RPS6KA2: variants seen among roughly 807,000 people sequenced by gnomAD.
RPS6KA2 encodes the protein ribosomal protein S6 kinase A2.
A neutral mutation model predicts 91.8 loss-of-function variants in RPS6KA2; 42 were observed. That is an observed-to-expected ratio of 0.46 (90% CI 0.36 to 0.59). The LOEUF (loss-of-function observed/expected upper bound fraction) is 0.59. RPS6KA2 is among the 20% of genes least tolerant of loss of function. The pLI is 0.00. For synonymous variants in RPS6KA2, 414 were observed against 393.6 expected, an observed-to-expected ratio of 1.05 and a Z score of -0.61; for missense variants, 798 against 978.5, an observed-to-expected ratio of 0.82 and a Z score of 2.46.
intron 2 of RPS6KA2, among the ~76,000 whole-genome samples, chr6:166,698,475 G>A (rs555388533): frequency 9.5e-4 from 145 of 152,306 alleles, no homozygotes; most frequent in Non-Finnish European, 1.7e-3. Flanking sequence ...GCTATGGTCA[G>A]AATAAAGGGA....
At chr6:166,848,760 G>A (rs1055595306) in intron 2 of RPS6KA2, among the ~76,000 whole-genome samples, 16 of 152,178 alleles carry the variant, frequency 1.1e-4, no homozygotes, top group South Asian at 8.3e-4. Context: ...GGGAAGGGGT[G>A]GGAGGGGGAT....
upstream of RPS6KA2, among the ~76,000 whole-genome samples, chr6:166,629,016 G>T (rs2128544843): frequency 6.6e-6 from 1 of 152,328 alleles, no homozygotes; most frequent in East Asian, 1.9e-4. Flanking sequence ...TGCTGGGAGG[G>T]TAGTAATCTG....
chr6:166,527,868 G>A (rs2128490559), intron 3 of RPS6KA2, among the ~76,000 whole-genome samples: 1 of 152,376 alleles, frequency 6.6e-6, no homozygotes, highest in East Asian at 1.9e-4. Flanking sequence ...CCATGTTGGA[G>A]TGGGCACCAG....
chr6:166,508,301 C>T lies in RPS6KA2; in HGVS notation c.380-19G>A, dbSNP rs377415647. The T allele has an allele frequency of 1.2e-5, 19 of 1,530,422 alleles. No individual in the cohort carries two copies. The highest frequency in any genetic ancestry group is 2.2e-5 in the East Asian group (1 of 44,452). 94.8% of individuals were successfully genotyped at this position (1,530,422 alleles called of 1,614,324 possible). A position where few individuals can be genotyped will look rare whatever the true frequency, so the allele number is the denominator to read the frequency against. Reference sequence around the variant, plus strand: ...TGAAAGGCTGTGGGGGACAGAGACCCGCATTTTGACAGCTTGTCGAATGTC... The same window carrying T: ...TGAAAGGCTGTGGGGGACAGAGACCTGCATTTTGACAGCTTGTCGAATGTC... On this transcript the variant is annotated intron_variant, in intron 4 of 20. Coordinates refer to ENST00000265678, the MANE Select transcript of RPS6KA2 (RefSeq NM_021135.6). This position sits in a 1 kb window ranked among gnomAD's most constrained non-coding sequence, Gnocchi z 4.3.
intron 2 of RPS6KA2, among the ~76,000 whole-genome samples, chr6:166,745,147 CCTT>C (rs1311019503): frequency 1.1e-4 from 13 of 123,208 alleles, no homozygotes; most frequent in African/African-American, 3.4e-4. Context: ...TCCTAATCGG[CCTT>C]TTTTTTTTTT....
intron 1 of RPS6KA2, among the ~76,000 whole-genome samples, chr6:166,600,884 T>C (rs1368063660): frequency 6.6e-6 from 1 of 152,276 alleles, no homozygotes. Context: ...TCAGTCATTC[T>C]TATTATATTA....
intron 2 of RPS6KA2, among the ~76,000 whole-genome samples, chr6:166,854,506 A>G (rs1401079137): frequency 6.6e-6 from 1 of 152,222 alleles, no homozygotes; most frequent in Admixed American, 6.5e-5. Flanking sequence ...TCCATGAACC[A>G]TAATGCCTGG....
intron 1 of RPS6KA2, among the ~76,000 whole-genome samples, chr6:166,570,279 G>C (rs1290440061): frequency 1.3e-5 from 2 of 152,166 alleles, no homozygotes; most frequent in Non-Finnish European, 2.9e-5. Context: ...GAGAAACATG[G>C]GCAGTCACCG....
intron 2 of RPS6KA2, among the ~76,000 whole-genome samples, chr6:166,714,974 G>T (rs114939280): frequency 3.7e-4 from 56 of 152,178 alleles, no homozygotes; most frequent in Non-Finnish European, 7.3e-4. Flanking sequence ...CTCCCTTCCC[G>T]TCCGGCCTGT....
chr6:166,786,496 A>C (rs1778934444), intron 2 of RPS6KA2, among the ~76,000 whole-genome samples: 1 of 143,258 alleles, frequency 7.0e-6, no homozygotes, highest in African/African-American at 2.8e-5. Flanking sequence ...GGATGCAAAA[A>C]AAAAAATTCT....
At chr6:166,625,790 T>C (rs759630814) in intron 1 of RPS6KA2, among the ~76,000 whole-genome samples, 12 of 152,220 alleles carry the variant, frequency 7.9e-5, no homozygotes, top group Non-Finnish European at 1.6e-4. Context: ...AGATGTGTTT[T>C]ACCCTCGGGA....
At chr6:166,796,259 A>G (rs1307998777) in intron 2 of RPS6KA2, among the ~76,000 whole-genome samples, 1 of 152,204 alleles carries the variant, frequency 6.6e-6, no homozygotes, top group African/African-American at 2.4e-5. Context: ...GACAAACATT[A>G]TCACAAACTT....
chr6:166,804,556 T>C (rs1436417203), intron 2 of RPS6KA2, among the ~76,000 whole-genome samples: 2 of 151,540 alleles, frequency 1.3e-5, no homozygotes, highest in African/African-American at 4.9e-5. Flanking sequence ...TATAGATAAA[T>C]AACAGCCCAC....
chr6:166,512,467 TA>T (rs1462319865), intron 3 of RPS6KA2, among the ~76,000 whole-genome samples: 1 of 152,242 alleles, frequency 6.6e-6, no homozygotes, highest in Non-Finnish European at 1.5e-5. Flanking sequence ...ATATATGTCT[TA>T]CCACAGTTAA....
At chr6:166,682,931 C>G (rs1434675554) in intron 2 of RPS6KA2, among the ~76,000 whole-genome samples, 4 of 152,174 alleles carry the variant, frequency 2.6e-5, no homozygotes, top group Non-Finnish European at 5.9e-5. Context: ...TCCTTAGACC[C>G]AAACCAATGA....
In RPS6KA2 at chr6:166,563,006, G is replaced by A. The variant is rs576287614; in HGVS notation, c.100-24222C>T. Among the ~76,000 whole-genome samples, 70 of 152,332 alleles carry A rather than the reference G, an allele frequency of 4.6e-4. No homozygotes were observed. Among genetic ancestry groups the A allele is most frequent in the African/African-American group, 1.3e-3 (54 of 41,580 alleles). On this transcript the variant is annotated intron_variant, in intron 1 of 20. Coordinates refer to ENST00000265678, the MANE Select transcript of RPS6KA2 (RefSeq NM_021135.6). The surrounding 1 kb of genome is among the most constrained non-coding windows in gnomAD (Gnocchi z 4.1). ...CGGCCGAGCCAGACCGAGGAACAGC[G>A]CAAAAGGTAACATCCAAGTCACAAC...
intron 10 of RPS6KA2, among the ~76,000 whole-genome samples, chr6:166,486,326 T>C (rs909632): frequency 0.51 from 78,002 of 151,974 alleles, 21,151 homozygotes; most frequent in African/African-American, 0.69. Context: ...TGCTGCAGCA[T>C]GGGCCCTCTG....
At position 166,646,488 on chromosome 6, in the gene RPS6KA2, C is replaced by T. The variant is rs141030875; in HGVS notation, c.124-107704G>A. Among the ~76,000 whole-genome samples, 85 of 152,368 alleles carry T rather than the reference C, an allele frequency of 5.6e-4. 2 individuals carry two copies. Among genetic ancestry groups the T allele is most frequent in the South Asian group, 1.9e-3 (9 of 4,834 alleles). Reference sequence around the variant, plus strand: ...CCACGGAGGAGCCAGTCGAGGTCAGCCTGGAGTCTTCTTTATTCATGACAT... The same window carrying T: ...CCACGGAGGAGCCAGTCGAGGTCAGTCTGGAGTCTTCTTTATTCATGACAT... On this transcript the variant is annotated intron_variant, in intron 2 of 21. Coordinates refer to the RPS6KA2 transcript ENST00000503859.
intron 2 of RPS6KA2, among the ~76,000 whole-genome samples, chr6:166,810,557 A>G (rs845676): frequency 0.53 from 80,561 of 152,068 alleles, 22,654 homozygotes; most frequent in East Asian, 0.65. Flanking sequence ...ATAGCTGAGA[A>G]TCACCGGTAA....
Sources: gnomAD v4.1 joint callset for allele counts (sites outside exome capture counted in the v4.1 genomes callset) on GRCh38, gnomAD v4.1.1 for gene constraint, Gnocchi (gnomAD v3.1) non-coding constraint, MANE v1.5 for transcripts, NCBI Gene and HGNC (gene_info 2026-07-23, HGNC 2026-07-21) for gene names.